The following PRDM5 variants were observed in gnomAD, a reference collection of about 807,000 sequenced individuals.
The protein encoded by PRDM5 is PR/SET domain 5, also known as PR domain zinc finger protein 5.
Under a neutral mutation model 81.2 loss-of-function variants are expected in PRDM5, and 56 were observed. That is an observed-to-expected ratio of 0.69 (90% CI 0.56 to 0.86). PRDM5 has a LOEUF of 0.86. PRDM5 is among the 40% of genes least tolerant of loss of function. PRDM5 has a pLI of 0.00. For synonymous variants in PRDM5, 267 were observed against 256.4 expected (o/e 1.04, Z -0.39); for missense variants, 697 against 770.1 (o/e 0.91, Z 1.12).
chr4:120,891,310 T>A (rs551095033), intron 2 of PRDM5, among the ~76,000 whole-genome samples: 1 of 152,324 alleles, frequency 6.6e-6, no homozygotes, highest in Non-Finnish European at 1.5e-5. Flanking sequence ...GCTTTCTAAT[T>A]TGTGTGCATA....
At chr4:120,899,162 G>T (rs916063665) in intron 2 of PRDM5, among the ~76,000 whole-genome samples, 1 of 152,010 alleles carries the variant, frequency 6.6e-6, no homozygotes, top group Admixed American at 6.6e-5. Context: ...TAGTCATTGG[G>T]TCTGATACTT....
intron 2 of PRDM5, among the ~76,000 whole-genome samples, chr4:120,894,291 G>A (rs1250931563): frequency 6.6e-6 from 1 of 152,064 alleles, no homozygotes; most frequent in Non-Finnish European, 1.5e-5. Flanking sequence ...CATTCAAATT[G>A]TTCTTATTAT....
chr4:120,873,002 TTTTTA>T (rs1364770518), intron 2 of PRDM5, among the ~76,000 whole-genome samples: 1 of 149,728 alleles, frequency 6.7e-6, no homozygotes, highest in Non-Finnish European at 1.5e-5. Flanking sequence ...TTTACCATAT[TTTTTA>T]TTTTATTTTT....
At chr4:120,905,459 G>A (rs145596337) in intron 2 of PRDM5, among the ~76,000 whole-genome samples, 18 of 152,192 alleles carry the variant, frequency 1.2e-4, no homozygotes, top group Non-Finnish European at 2.5e-4. Context: ...TTGTAGATGC[G>A]GTTAACATCT....
At chr4:120,848,230 C>G (rs960855671) in intron 3 of PRDM5, among the ~76,000 whole-genome samples, 1 of 152,110 alleles carries the variant, frequency 6.6e-6, no homozygotes, top group Non-Finnish European at 1.5e-5. Flanking sequence ...ACATAAATAA[C>G]TTAAAATATA....
chr4:120,798,322 CA>C lies in PRDM5; in HGVS notation c.1132del (p.Cys378AlafsTer47), dbSNP rs1409412200. Reference protein sequence around the residue: ...VIHSEDKPYKCKLCGKGFAHR... With the variant: ...VIHSEDKPYKXKLCGKGFAHR... ...GGCAAATCCCTTTCCACAAAGTTTG[CA>C]TTTGTAAGGTTTGTCTTCGCTGTGT... On this transcript the variant is annotated frameshift_variant, in exon 10 of 16. Coordinates refer to ENST00000264808, the MANE Select transcript of PRDM5 (RefSeq NM_018699.4). LOFTEE classifies it high-confidence loss of function. 6.2e-7 allele frequency: 1 copy of C among 1,611,620 alleles called. No individual in the cohort carries two copies. Among genetic ancestry groups the C allele is most frequent in the South Asian group, 1.1e-5 (1 of 90,548 alleles).
At chr4:120,828,256 AG>A (rs1756276794) in intron 3 of PRDM5, among the ~76,000 whole-genome samples, 1 of 152,104 alleles carries the variant, frequency 6.6e-6, no homozygotes, top group Non-Finnish European at 1.5e-5. Context: ...AATTGTTTTG[AG>A]GATTAAATAA....
intron 3 of PRDM5, among the ~76,000 whole-genome samples, chr4:120,841,067 C>T (rs1396161067): frequency 2.6e-5 from 4 of 152,140 alleles, no homozygotes; most frequent in African/African-American, 9.7e-5. Flanking sequence ...CAAATCTCTA[C>T]CTATCCTTGT....
chr4:120,832,303 T>G (rs1756814302), intron 3 of PRDM5, among the ~76,000 whole-genome samples: 1 of 151,950 alleles, frequency 6.6e-6, no homozygotes, highest in Non-Finnish European at 1.5e-5. Context: ...AACCATCAAA[T>G]CACGTGAGAA....
chr4:120,855,040 A>T (rs1306215031), intron 2 of PRDM5, among the ~76,000 whole-genome samples: 4 of 152,184 alleles, frequency 2.6e-5, no homozygotes, highest in Non-Finnish European at 5.9e-5. Flanking sequence ...GGACCAACAG[A>T]CCAGGAATCC....
At chr4:120,731,323 T>A (rs1246227439) in intron 14 of PRDM5, among the ~76,000 whole-genome samples, 2 of 150,474 alleles carry the variant, frequency 1.3e-5, no homozygotes, top group Non-Finnish European at 2.9e-5. Context: ...GATGAGATGG[T>A]CAGAAAATGA....
rs1486513915 is a variant in PRDM5 at position 120,694,705 on chromosome 4, A to T, written c.*406T>A. ...ACCAGCTGCAACAACTGGCATTTGCAAGTGAGTGCACACACACAGACACAT... is the reference window on the plus strand; with the variant it reads ...ACCAGCTGCAACAACTGGCATTTGCTAGTGAGTGCACACACACAGACACAT... On this transcript the variant is annotated 3_prime_UTR_variant, in exon 16 of 16. Transcript: ENST00000264808. The T allele has an allele frequency of 6.2e-6, 1 of 160,626 alleles. No individual in the cohort carries two copies. The highest frequency in any genetic ancestry group is 1.4e-5 in the Non-Finnish European group (1 of 72,982). 10.0% of individuals were successfully genotyped at this position (160,626 alleles called of 1,614,324 possible).
chr4:120,883,786 T>C (rs1374033862), intron 2 of PRDM5, among the ~76,000 whole-genome samples: 4 of 152,146 alleles, frequency 2.6e-5, no homozygotes, highest in Middle Eastern at 3.2e-3. Flanking sequence ...GTTTAGAAGA[T>C]TACTTAGAGA....
In PRDM5 at chr4:120,797,958, C is replaced by T. The variant is rs1567552; in HGVS notation, c.1188+309G>A. 0.87 allele frequency among the ~76,000 whole-genome samples: 132,110 copies of T among 152,158 alleles called. 57,461 individuals carry two copies. Among genetic ancestry groups the T allele is most frequent in the East Asian group, 0.92 (4,774 of 5,174 alleles). On this transcript the variant is annotated intron_variant, in intron 10 of 15. Transcript: ENST00000264808. ...GATGAAGAGAATTTCAAAAAGCTAA[C>T]GTAAATAAAAACATCAAAGTTTATG...
At chr4:120,793,033 C>G (rs1054062457) in intron 10 of PRDM5, among the ~76,000 whole-genome samples, 16 of 152,154 alleles carry the variant, frequency 1.1e-4, no homozygotes, top group African/African-American at 3.4e-4. Context: ...AACCCTGCTA[C>G]AGCAGGATTA....
chr4:120,895,157 G>A (rs1764475290), intron 2 of PRDM5, among the ~76,000 whole-genome samples: 1 of 152,158 alleles, frequency 6.6e-6, no homozygotes, highest in African/African-American at 2.4e-5. Context: ...AATGCAAGGG[G>A]GATAAGCACC....
At chr4:120,836,707 G>A (rs1208435611) in intron 3 of PRDM5, among the ~76,000 whole-genome samples, 1 of 152,142 alleles carries the variant, frequency 6.6e-6, no homozygotes, top group Non-Finnish European at 1.5e-5. Flanking sequence ...CTAACTGGGG[G>A]AATCTAGATA....
chr4:120,900,243 C>G, intron 2 of PRDM5, among the ~76,000 whole-genome samples: 1 of 152,230 alleles, frequency 6.6e-6, no homozygotes, highest in East Asian at 1.9e-4. Flanking sequence ...GAGGGGGACA[C>G]AGGGGGCTGA....
At chr4:120,856,975 T>A (rs1049253810) in intron 2 of PRDM5, among the ~76,000 whole-genome samples, 3 of 152,176 alleles carry the variant, frequency 2.0e-5, no homozygotes, top group Non-Finnish European at 2.9e-5. Flanking sequence ...AAGTCAACAG[T>A]CTCATCGTGT....
Sources: gnomAD v4.1 joint callset for allele counts (sites outside exome capture counted in the v4.1 genomes callset) on GRCh38, gnomAD v4.1.1 for gene constraint, MANE v1.5 for transcripts, NCBI Gene and HGNC (gene_info 2026-07-23, HGNC 2026-07-21) for gene names.